Variants in RNF213 observed in about 807,000 individuals in gnomAD.
RNF213 encodes ring finger protein 213.
A neutral mutation model predicts 514.4 loss-of-function variants in RNF213; 341 were observed. That is an observed-to-expected ratio of 0.66 (90% confidence interval 0.61 to 0.73). RNF213 has a LOEUF of 0.73. Ranked by LOEUF, RNF213 falls within the 30% of genes least tolerant of loss-of-function variation. RNF213 has a pLI of 0.00. For missense variants in RNF213, 5,767 were observed against 6,615.6 expected (o/e 0.87, Z 4.45); for synonymous variants, 2,655 against 2,658.2 (o/e 1.00, Z 0.04).
In RNF213 at chr17:80,263,433, G is replaced by T; in HGVS notation, c.-108-141G>T. 2.3e-6 allele frequency: 1 copy of T among 439,764 alleles called. No homozygotes were observed. The allele number at this position is 439,764 out of a possible 1,614,324, so 27.2% of individuals were successfully genotyped here. ...AGGGATGGTTCTAGGCTGGCTGAAT[G>T]AGGGACCAGGGCAGAGACTGCAAAA... On this transcript the variant is annotated intron_variant, in intron 1 of 67. Coordinates refer to ENST00000582970, the MANE Select transcript of RNF213 (RefSeq NM_001256071.3). This position sits in a 1 kb window ranked among gnomAD's most constrained non-coding sequence, Gnocchi z 4.9.
At chr17:80,340,608 G>GTTTTTT (rs1203042611) in intron 26 of RNF213, 6 of 224,832 alleles carry the variant, frequency 2.7e-5, no homozygotes, top group South Asian at 1.3e-4. Flanking sequence ...TGTACTTTGT[G>GTTTTTT]GTTTTTTTTT....
At chr17:80,350,673 C>T (rs1398986881) in intron 31 of RNF213, among the ~76,000 whole-genome samples, 2 of 152,190 alleles carry the variant, frequency 1.3e-5, no homozygotes, top group Admixed American at 1.3e-4. Flanking sequence ...CCACAGTGCA[C>T]CTCTAGTCCC....
intron 1 of RNF213, among the ~76,000 whole-genome samples, chr17:80,261,918 G>A (rs1416230774): frequency 1.3e-5 from 2 of 152,234 alleles, no homozygotes; most frequent in Non-Finnish European, 2.9e-5. Flanking sequence ...TTGGGAGACT[G>A]AGGCGGGAGA....
chr17:80,332,659 G>T (rs1437224929), intron 21 of RNF213, 28 bp downstream of exon 21: 1 of 1,458,872 alleles, frequency 6.9e-7, no homozygotes, highest in African/African-American at 1.4e-5. Flanking sequence ...GACTGTGGGG[G>T]TTTGGAGGGG....
At position 80,389,232 on chromosome 17, in the gene RNF213, T is replaced by A; in HGVS notation, c.15060T>A (p.Asp5020Glu). Residue 5020 changes from aspartate (D) to glutamate (E), a missense_variant, in exon 65 of 68, where the codon GAT (aspartate) becomes GAA (glutamate). By Grantham distance (45) the Asp-to-Glu change is conservative. Coordinates refer to ENST00000582970, the MANE Select transcript of RNF213 (RefSeq NM_001256071.3). ...GTGGACAGCTGCAGTCCTACAGCGA[T>A]GCCTGTGAAGTGCTGTCTGTCGTAG... ...AISGQLQSYSDACEVLSVVEV... is the reference protein window; with the variant it reads ...AISGQLQSYSEACEVLSVVEV... 1 of 1,614,258 alleles carries A rather than the reference T, an allele frequency of 6.2e-7. No individual in the cohort carries two copies. Among genetic ancestry groups the A allele is most frequent in the Non-Finnish European group, 8.5e-7 (1 of 1,180,036 alleles).
chr17:80,358,509 G>C, intron 37 of RNF213, 30 bp downstream of exon 37: 1 of 1,584,262 alleles, frequency 6.3e-7, no homozygotes, highest in Non-Finnish European at 8.7e-7. Flanking sequence ...TCCCTGGGGA[G>C]AGAAACTATC....
chr17:80,389,507 G>A, intron 65 of RNF213, 140 bp downstream of exon 65: 1 of 780,990 alleles, frequency 1.3e-6, no homozygotes, highest in Non-Finnish European at 2.2e-6. Flanking sequence ...TGCTCACCCA[G>A]TCAGTCCAGC....
At position 80,271,401 on chromosome 17, in the gene RNF213, A is replaced by G. The variant is rs531523933; in HGVS notation, c.98-1840A>G. On this transcript the variant is annotated intron_variant, in intron 2 of 67. Coordinates refer to ENST00000582970, the MANE Select transcript of RNF213 (RefSeq NM_001256071.3). ...GCGTGGTCCCTGCCCTCCAGATCTC[A>G]GAGGAGGAGAGGGCAGTGACGAAAC... Among the ~76,000 whole-genome samples the G allele has an allele frequency of 1.4e-4, 22 of 152,336 alleles. No homozygotes were observed. In the East Asian group the frequency reaches 4.2e-3, roughly 29 times the overall value.
Position 80,367,821 on chromosome 17 carries a change from A to G in RNF213, c.11945A>G (p.Lys3982Arg). The change falls in exon 43 of 68, where the codon AAG becomes AGG. Residue 3982 changes from lysine to arginine, a missense_variant. Around this residue, in one of 13 missense-constraint regions of RNF213, gnomAD observed 355 missense variants for 358.0 expected, o/e 0.99. Transcript: ENST00000582970. Reference sequence around the variant, plus strand: ...GTGATGCGCACTCTCTGTGAATGCAAGGAGACAGCCAGCAAGACCCTCAGC... The same window carrying G: ...GTGATGCGCACTCTCTGTGAATGCAGGGAGACAGCCAGCAAGACCCTCAGC... ...EAVMRTLCEC[K>R]ETASKTLSRF... is the part of the protein sequence containing the mutation. 1 of 1,614,264 alleles carries G rather than the reference A, an allele frequency of 6.2e-7. No individual in the cohort carries two copies. The highest frequency in any genetic ancestry group is 8.5e-7 in the Non-Finnish European group (1 of 1,180,044).
chr17:80,288,370 C>T lies in RNF213; in HGVS notation c.810+7C>T, dbSNP rs1598926291. ...AGGGGCCTCAGCCTCTATGGTGAGTCATCCGGGAGAGATGGCCTGGGAGTG... is the reference window on the plus strand; with the variant it reads ...AGGGGCCTCAGCCTCTATGGTGAGTTATCCGGGAGAGATGGCCTGGGAGTG... On this transcript the variant is annotated splice_region_variant and intron_variant, in intron 4 of 67. Coordinates refer to ENST00000582970, the MANE Select transcript of RNF213 (RefSeq NM_001256071.3). This position sits in a 1 kb window ranked among gnomAD's most constrained non-coding sequence, Gnocchi z 4.9. 1 of 1,611,752 alleles carries T rather than the reference C, an allele frequency of 6.2e-7. No homozygotes were observed.
At chr17:80,290,154 T>G (rs1217666212) in intron 6 of RNF213, among the ~76,000 whole-genome samples, 1 of 152,024 alleles carries the variant, frequency 6.6e-6, no homozygotes, top group East Asian at 1.9e-4. Flanking sequence ...GGGCAGGGAG[T>G]GGCCACCTCT....
chr17:80,313,568 G>C (rs1313524390), intron 15 of RNF213, among the ~76,000 whole-genome samples: 2 of 151,058 alleles, frequency 1.3e-5, no homozygotes, highest in Non-Finnish European at 3.0e-5. Flanking sequence ...TGGTGGTGAT[G>C]GTGGTCATGG....
Position 80,317,381 on chromosome 17 carries a change from C to A in RNF213, c.2901+104C>A. ...GATCTCAGCAGTGCCTCTCTGTGGGCAGGGATGGGGTGAATCACAGCTCCG... is the reference window on the plus strand; with the variant it reads ...GATCTCAGCAGTGCCTCTCTGTGGGAAGGGATGGGGTGAATCACAGCTCCG... On this transcript the variant is annotated intron_variant, in intron 16 of 67. Coordinates refer to ENST00000582970, the MANE Select transcript of RNF213 (RefSeq NM_001256071.3). This position sits in a 1 kb window ranked among gnomAD's most constrained non-coding sequence, Gnocchi z 4.1. The A allele has an allele frequency of 2.0e-6, 2 of 1,000,786 alleles. No individual in the cohort carries two copies. The highest frequency in any genetic ancestry group is 3.1e-6 in the Non-Finnish European group (2 of 640,632). The allele number at this position is 1,000,786 out of a possible 1,614,324, so 62.0% of individuals were successfully genotyped here. A position where few individuals can be genotyped will look rare whatever the true frequency, so the allele number is the denominator to read the frequency against.
chr17:80,319,150 A>G (rs995356530), intron 16 of RNF213, 40 bp from the exon 17 acceptor site: 58 of 1,614,044 alleles, frequency 3.6e-5, no homozygotes, highest in Non-Finnish European at 4.5e-5. Flanking sequence ...GGAGCGCTGC[A>G]TCCGAAAGCT....
At chr17:80,329,175 C>T (rs1489115835) in intron 20 of RNF213, among the ~76,000 whole-genome samples, 1 of 152,220 alleles carries the variant, frequency 6.6e-6, no homozygotes, top group Non-Finnish European at 1.5e-5. Flanking sequence ...TTCCCACGCC[C>T]CCCTCCCCCG....
Position 80,339,072 on chromosome 17 carries a change from G to A in RNF213, c.4834-129G>A. 7.4e-6 allele frequency: 4 copies of A among 540,340 alleles called. No homozygotes were observed. In the South Asian group the frequency reaches 1.4e-4, roughly 19 times the overall value. The allele number at this position is 540,340 out of a possible 1,614,324, so 33.5% of individuals were successfully genotyped here. On this transcript the variant is annotated intron_variant, in intron 25 of 67. Coordinates refer to ENST00000582970, the MANE Select transcript of RNF213 (RefSeq NM_001256071.3). ...GTGTAGATGAGGAGGGAGGCCTTGT[G>A]AGCGCAGATCATGCAGTGGGCCTGT...
chr17:80,396,725 T>TCCCCCCCCCCCCCCC lies in RNF213; in HGVS notation c.*3227_*3228insCCCCCCCCCCCCCCC, dbSNP rs1279879689. On this transcript the variant is annotated 3_prime_UTR_variant, in exon 68 of 68. Coordinates refer to ENST00000582970, the MANE Select transcript of RNF213 (RefSeq NM_001256071.3). ...AAAAACAAGCGCCAGGAAAGTGCAT[T>TCCCCCCCCCCCCCCC]TCCCCCCCACCCCCCCCCCCCAACC... is the stretch of plus-strand genomic sequence containing the variant. 2 of 67,648 alleles carry TCCCCCCCCCCCCCCC rather than the reference T, an allele frequency of 3.0e-5. 1 individual carries two copies. Among genetic ancestry groups the TCCCCCCCCCCCCCCC allele is most frequent in the African/African-American group, 1.0e-4 (2 of 19,594 alleles). The allele number at this position is 67,648 out of a possible 1,614,324, so 4.2% of individuals were successfully genotyped here.
chr17:80,288,866 T>C lies in RNF213; in HGVS notation c.933+111T>C. On this transcript the variant is annotated intron_variant, in intron 5 of 67. Transcript: ENST00000582970. This position sits in a 1 kb window ranked among gnomAD's most constrained non-coding sequence, Gnocchi z 4.9. ...TTAAGTGCTGGGGATATAGCCATGA[T>C]TCAGACAAAGCTCTGGCCTTCGGGG... is the stretch of plus-strand genomic sequence containing the variant. 1 of 1,574,450 alleles carries C rather than the reference T, an allele frequency of 6.4e-7. No homozygotes were observed. Among genetic ancestry groups the C allele is most frequent in the South Asian group, 1.1e-5 (1 of 89,614 alleles).
At chr17:80,311,960 C>G (rs2045588169) in intron 14 of RNF213, among the ~76,000 whole-genome samples, 1 of 152,114 alleles carries the variant, frequency 6.6e-6, no homozygotes, top group Non-Finnish European at 1.5e-5. Context: ...AACCCTGTCT[C>G]TACTAAAAAA....
Sources: allele counts gnomAD v4.1 joint callset (sites outside exome capture counted in the v4.1 genomes callset), GRCh38; gene constraint gnomAD v4.1.1; regional missense constraint gnomAD v4.1.1; non-coding constraint Gnocchi (gnomAD v3.1); transcripts MANE v1.5; gene names NCBI Gene and HGNC (gene_info 2026-07-23, HGNC 2026-07-21).